ADGRB3: variants seen among roughly 807,000 people sequenced by gnomAD.
ADGRB3 encodes adhesion G protein-coupled receptor B3, also known as brain-specific angiogenesis inhibitor 3.
In ADGRB3, 37 loss-of-function variants were observed where a neutral mutation model predicts 193.4. The observed-to-expected ratio is 0.19, with a 90% CI of 0.15 to 0.25. The LOEUF (loss-of-function observed/expected upper bound fraction) is 0.25. Among genes scored for constraint, ADGRB3 ranks in the 10% least tolerant of loss-of-function variants. The pLI is 1.00. For missense variants in ADGRB3, 1,637 were observed against 1,852.9 expected, an observed-to-expected ratio of 0.88 and a Z score of 2.14; for synonymous variants, 690 against 644.2, an observed-to-expected ratio of 1.07 and a Z score of -1.08.
At chr6:69,160,209 C>T (rs1774945728) in intron 17 of ADGRB3, among the ~76,000 whole-genome samples, 1 of 152,110 alleles carries the variant, frequency 6.6e-6, no homozygotes, top group African/African-American at 2.4e-5. Context: ...GTCATTTTCT[C>T]TGTTCAACAC....
intron 13 of ADGRB3, among the ~76,000 whole-genome samples, chr6:69,035,831 G>A (rs2225803): frequency 0.18 from 27,830 of 152,116 alleles, 2,677 homozygotes; most frequent in Middle Eastern, 0.26. Flanking sequence ...GATTCAAGAA[G>A]TGAGGACATA....
chr6:68,865,911 G>A (rs544398), intron 3 of ADGRB3, among the ~76,000 whole-genome samples: 68,015 of 151,838 alleles, frequency 0.45, 16,564 homozygotes, highest in East Asian at 0.6. Context: ...AAGAAATTGC[G>A]TCTTACCAGT....
chr6:68,830,375 T>C (rs1031659679), intron 3 of ADGRB3, among the ~76,000 whole-genome samples: 2 of 152,160 alleles, frequency 1.3e-5, no homozygotes, highest in African/African-American at 4.8e-5. Flanking sequence ...AACCAAGATC[T>C]CTCAATTCCA....
At position 68,858,592 on chromosome 6, in the gene ADGRB3, C is replaced by CAAA. The variant is rs11458724; in HGVS notation, c.758-71950_758-71948dup. Among the ~76,000 whole-genome samples, 435 of 93,364 alleles carry CAAA rather than the reference C, an allele frequency of 4.7e-3. 7 individuals carry two copies. Among genetic ancestry groups the CAAA allele is most frequent in the Middle Eastern group, 0.012 (2 of 166 alleles). 61.3% of individuals were successfully genotyped at this position (93,364 alleles called of 152,430 possible). On this transcript the variant is annotated intron_variant, in intron 3 of 31. Coordinates refer to ENST00000370598, the MANE Select transcript of ADGRB3 (RefSeq NM_001704.3). Reference sequence around the variant, plus strand: ...TGAGTGACAGAGTGAGACCCTGACTCAAAAAAAAAAAAAAAAAAACACAGC... The same window carrying CAAA: ...TGAGTGACAGAGTGAGACCCTGACTCAAAAAAAAAAAAAAAAAAAAAACACAGC...
At chr6:68,701,407 C>T (rs1420025481) in intron 3 of ADGRB3, among the ~76,000 whole-genome samples, 6 of 152,164 alleles carry the variant, frequency 3.9e-5, no homozygotes, top group Non-Finnish European at 7.3e-5. Flanking sequence ...CCTTCTTCCT[C>T]ACCTGGTCCA....
At chr6:68,811,184 T>TGCC (rs757642167) in intron 3 of ADGRB3, among the ~76,000 whole-genome samples, 3 of 152,136 alleles carry the variant, frequency 2.0e-5, no homozygotes, top group Non-Finnish European at 4.4e-5. Context: ...ACTACCTTGA[T>TGCC]ATTGACTTAA....
At chr6:68,715,021 T>G (rs945589425) in intron 3 of ADGRB3, among the ~76,000 whole-genome samples, 1 of 151,402 alleles carries the variant, frequency 6.6e-6, no homozygotes, top group African/African-American at 2.4e-5. Flanking sequence ...GTAGTTATAT[T>G]TATCATCATT....
chr6:68,882,015 C>T (rs1765747569), intron 3 of ADGRB3, among the ~76,000 whole-genome samples: 1 of 152,104 alleles, frequency 6.6e-6, no homozygotes, highest in Non-Finnish European at 1.5e-5. Context: ...CTTCCTTGTA[C>T]AGTATTTTGT....
intron 3 of ADGRB3, among the ~76,000 whole-genome samples, chr6:68,663,955 T>C (rs781000753): frequency 6.6e-6 from 1 of 151,812 alleles, no homozygotes; most frequent in Non-Finnish European, 1.5e-5. Flanking sequence ...TGCAATTTAA[T>C]TTTCACTAAA....
At chr6:69,253,174 C>G (rs1766666187) in intron 20 of ADGRB3, among the ~76,000 whole-genome samples, 1 of 152,028 alleles carries the variant, frequency 6.6e-6, no homozygotes. Flanking sequence ...ATAATCTTTA[C>G]TACTATAGCT....
intron 13 of ADGRB3, among the ~76,000 whole-genome samples, chr6:69,045,886 A>G (rs1243897585): frequency 6.6e-6 from 1 of 152,186 alleles, no homozygotes; most frequent in Non-Finnish European, 1.5e-5. Flanking sequence ...TGATTTTTCC[A>G]TTCCTTTAAT....
intron 3 of ADGRB3, among the ~76,000 whole-genome samples, chr6:68,833,363 T>A (rs1471038756): frequency 1.3e-5 from 2 of 151,682 alleles, no homozygotes; most frequent in East Asian, 3.9e-4. Flanking sequence ...AATATTATAG[T>A]TCTTTAATGT....
intron 3 of ADGRB3, among the ~76,000 whole-genome samples, chr6:68,762,748 T>C (rs1446852990): frequency 6.6e-6 from 1 of 152,024 alleles, no homozygotes; most frequent in Non-Finnish European, 1.5e-5. Flanking sequence ...CTCATAATCA[T>C]AAAAAGTAAA....
At chr6:69,239,648 C>A (rs1692255720) in intron 20 of ADGRB3, among the ~76,000 whole-genome samples, 1 of 151,952 alleles carries the variant, frequency 6.6e-6, no homozygotes, top group Non-Finnish European at 1.5e-5. Flanking sequence ...AGTGTAACAT[C>A]TCTCTTGAAA....
chr6:68,710,927 C>T (rs1765398505), intron 3 of ADGRB3, among the ~76,000 whole-genome samples: 1 of 152,104 alleles, frequency 6.6e-6, no homozygotes, highest in Non-Finnish European at 1.5e-5. Flanking sequence ...TTCCTTCTTT[C>T]CTCCCATTTC....
chr6:69,008,420 TCTC>T (rs1769837010), intron 11 of ADGRB3, among the ~76,000 whole-genome samples: 1 of 152,168 alleles, frequency 6.6e-6, no homozygotes, highest in African/African-American at 2.4e-5. Flanking sequence ...CATCCACTGT[TCTC>T]CTTTAGGCCT....
intron 17 of ADGRB3, among the ~76,000 whole-genome samples, chr6:69,122,079 C>T (rs1024362429): frequency 7.0e-5 from 6 of 85,422 alleles, no homozygotes; most frequent in African/African-American, 1.7e-4. Context: ...AATCTTAGCA[C>T]TTTGGGAGGC....
chr6:69,152,181 G>A (rs916182590), intron 17 of ADGRB3, among the ~76,000 whole-genome samples: 28 of 152,160 alleles, frequency 1.8e-4, no homozygotes, highest in African/African-American at 6.5e-4. Context: ...GGTGAAGCAA[G>A]AAGTCTTATT....
intron 3 of ADGRB3, among the ~76,000 whole-genome samples, chr6:68,843,270 C>A (rs1459576077): frequency 6.6e-6 from 1 of 151,680 alleles, no homozygotes; most frequent in Non-Finnish European, 1.5e-5. Context: ...TTTTATATTT[C>A]AAAAAACCCA....
Sources: gnomAD v4.1 joint callset for allele counts (sites outside exome capture counted in the v4.1 genomes callset) on GRCh38, gnomAD v4.1.1 for gene constraint, MANE v1.5 for transcripts, NCBI Gene and HGNC (gene_info 2026-07-23, HGNC 2026-07-21) for gene names.